The following GCNT3 variants were observed in gnomAD, a reference collection of about 807,000 sequenced individuals.
GCNT3 encodes beta-1,3-galactosyl-O-glycosyl-glycoprotein beta-1,6-N-acetylglucosaminyltransferase 3.
For synonymous variants in GCNT3, 269 were observed against 195.2 expected (o/e 1.38, Z -3.15); for missense variants, 708 against 530.3 (o/e 1.34, Z -3.29).
chr15:59,618,409 T>A lies in GCNT3; in HGVS notation c.171T>A (p.Tyr57Ter). 1 of 1,614,150 alleles carries A rather than the reference T, an allele frequency of 6.2e-7. No homozygotes were observed. Among genetic ancestry groups the A allele is most frequent in the Non-Finnish European group, 8.5e-7 (1 of 1,179,988 alleles). The change falls in exon 3 of 3, where the codon TAT (tyrosine) becomes TAA (stop). Residue 57 changes from tyrosine to a stop codon, truncating the protein, a stop_gained. Transcript: ENST00000396065. LOFTEE classifies it low-confidence loss of function (END_TRUNC). ...SQSQYCRNILYNFLKLPAKRS... is the reference protein window; with the variant it reads ...SQSQYCRNIL ...GCCAGTACTGTAGGAATATCTTGTA[T>A]AATTTCCTGAAACTTCCAGCAAAGA... is the stretch of plus-strand genomic sequence containing the variant.
rs1890926058 is a variant in GCNT3, at chr15:59,621,282, T to C, written c.*1727T>C. On this transcript the variant is annotated 3_prime_UTR_variant, in exon 3 of 3. Transcript: ENST00000396065. ...ATTTCCTTGCGGGGAGACAATAAGGTATGTGTAAATACATATATGTGTGTG... is the reference window on the plus strand; with the variant it reads ...ATTTCCTTGCGGGGAGACAATAAGGCATGTGTAAATACATATATGTGTGTG... 6.6e-6 allele frequency: 1 copy of C among 152,112 alleles called. No individual in the cohort carries two copies. The highest frequency in any genetic ancestry group is 1.5e-5 in the Non-Finnish European group (1 of 68,032). 9.4% of individuals were successfully genotyped at this position (152,112 alleles called of 1,614,324 possible).
intron 1 of GCNT3, among the ~76,000 whole-genome samples, chr15:59,612,598 C>T (rs2082701200): frequency 6.6e-6 from 1 of 152,106 alleles, no homozygotes; most frequent in South Asian, 2.1e-4. Flanking sequence ...CAGTTTTTGC[C>T]TTGAAATGTG....
intron 1 of GCNT3, chr15:59,615,165 G>T (rs1166408057): frequency 2.0e-5 from 3 of 152,212 alleles, no homozygotes; most frequent in African/African-American, 7.2e-5. Context: ...ACAGCCGGCT[G>T]GAGGAGGGAC....
At chr15:59,617,627 C>T (rs572160699) in intron 2 of GCNT3, among the ~76,000 whole-genome samples, 2 of 152,208 alleles carry the variant, frequency 1.3e-5, no homozygotes, top group Admixed American at 1.3e-4. Flanking sequence ...ATTTTTACTT[C>T]TTTAAGAACA....
intron 1 of GCNT3, 168 bp from the exon 2 acceptor site, chr15:59,616,522 ATC>A (rs2082720430): frequency 1.3e-5 from 2 of 152,190 alleles, no homozygotes; most frequent in African/African-American, 2.4e-5. Context: ...TGGCTGAAAT[ATC>A]TGTTTGCCTT....
rs1193384534 is a variant in GCNT3 at position 59,619,309 on chromosome 15, G to A, written c.1071G>A (p.Met357Ile). The A allele has an allele frequency of 3.1e-6, 5 of 1,614,126 alleles. No homozygotes were observed. The highest frequency in any genetic ancestry group is 3.4e-6 in the Non-Finnish European group (4 of 1,180,014). The change falls in exon 3 of 3, where the codon ATG becomes ATA. Residue 357 changes from methionine to isoleucine, a missense_variant. Met to Ile is a conservative substitution (Grantham distance 10, BLOSUM62 1). Transcript: ENST00000396065. ...PNHPKYDISD[M>I]TSIARLVKWQ... is the part of the protein sequence containing the mutation. ...ACCCCAAGTACGACATCTCAGACAT[G>A]ACTTCTATTGCCAGGCTGGTCAAGT...
intron 1 of GCNT3, among the ~76,000 whole-genome samples, chr15:59,612,796 C>G (rs2082702240): frequency 6.6e-6 from 1 of 152,172 alleles, no homozygotes; most frequent in African/African-American, 2.4e-5. Flanking sequence ...TCTGTCCCCT[C>G]TCCTGTACCT....
At chr15:59,613,303 A>G (rs946662108) in intron 1 of GCNT3, among the ~76,000 whole-genome samples, 13 of 152,006 alleles carry the variant, frequency 8.6e-5, no homozygotes, top group African/African-American at 3.1e-4. Flanking sequence ...TAGGTACTTG[A>G]CGTTACTATA....
At chr15:59,617,734 G>C (rs1359344706) in intron 2 of GCNT3, among the ~76,000 whole-genome samples, 1 of 152,182 alleles carries the variant, frequency 6.6e-6, no homozygotes, top group Non-Finnish European at 1.5e-5. Context: ...ATAGAAGCAA[G>C]AAATGTTTTG....
chr15:59,617,267 C>G (rs1035209439), intron 2 of GCNT3, among the ~76,000 whole-genome samples: 2 of 142,906 alleles, frequency 1.4e-5, no homozygotes, highest in Non-Finnish European at 3.0e-5. Flanking sequence ...AGCTATAATA[C>G]TTCCTGTATT....
rs759539305 is a variant in GCNT3 at position 59,619,575 on chromosome 15, G to A, written c.*20G>A. 6.2e-6 allele frequency: 9 copies of A among 1,445,050 alleles called. No individual in the cohort carries two copies. The highest frequency in any genetic ancestry group is 1.8e-4 in the Middle Eastern group (1 of 5,620). The allele number at this position is 1,445,050 out of a possible 1,614,324, so 89.5% of individuals were successfully genotyped here. On this transcript the variant is annotated 3_prime_UTR_variant, in exon 3 of 3. Transcript: ENST00000396065. ...CTTTGAGACACACTATGAGAGCGTT[G>A]CTACCTGTGGGGCAAGAGCATGTAC...
rs1051776887 is a variant in GCNT3 at position 59,621,404 on chromosome 15, C to G, written c.*1849C>G. ...AGAGATGGTTGTTGGCTAAGTTATA[C>G]TCTTCTGTGATGGGCAAGGGATACT... On this transcript the variant is annotated 3_prime_UTR_variant, in exon 3 of 3. Coordinates refer to ENST00000396065, the MANE Select transcript of GCNT3 (RefSeq NM_004751.3). 1 of 151,728 alleles carries G rather than the reference C, an allele frequency of 6.6e-6. No homozygotes were observed. Among genetic ancestry groups the G allele is most frequent in the African/African-American group, 2.4e-5 (1 of 41,308 alleles). The allele number at this position is 151,728 out of a possible 1,614,324, so 9.4% of individuals were successfully genotyped here. A position where few individuals can be genotyped will look rare whatever the true frequency, so the allele number is the denominator to read the frequency against.
At chr15:59,618,056 A>G in intron 2 of GCNT3, 123 bp from the exon 3 acceptor site, 1 of 497,528 alleles carries the variant, frequency 2.0e-6, no homozygotes, top group Non-Finnish European at 3.5e-6. Context: ...AGGGGCTTCT[A>G]GGCAGGTCTT....
Position 59,618,211 on chromosome 15 carries a change from G to A in GCNT3, c.-28G>A, listed in dbSNP as rs1374670803. ...TCCTCCTCCACCTTCCCTGTGCTCGGTCTCCACCTGTCTCCCATTCTGTGA... is the reference window on the plus strand; with the variant it reads ...TCCTCCTCCACCTTCCCTGTGCTCGATCTCCACCTGTCTCCCATTCTGTGA... On this transcript the variant is annotated 5_prime_UTR_variant, in exon 3 of 3. Transcript: ENST00000396065. The A allele has an allele frequency of 2.3e-6, 3 of 1,304,502 alleles. No homozygotes were observed. Among genetic ancestry groups the A allele is most frequent in the East Asian group, 2.3e-5 (1 of 43,180 alleles). The allele number at this position is 1,304,502 out of a possible 1,614,324, so 80.8% of individuals were successfully genotyped here.
rs2082737153 is a variant in GCNT3, at chr15:59,619,461, T to C, written c.1223T>C (p.Leu408Ser). The change falls in exon 3 of 3, where the codon TTG (leucine) becomes TCG (serine). Residue 408 changes from leucine to serine, a missense_variant. Leu to Ser is a moderately radical substitution (Grantham distance 145, BLOSUM62 -2). Coordinates refer to ENST00000396065, the MANE Select transcript of GCNT3 (RefSeq NM_004751.3). ...TGGATGCTTCAAAACCATCACCTGT[T>C]GGCCAACAAGTTTGACCCAAAGGTA... is the stretch of plus-strand genomic sequence containing the variant. ...LNWMLQNHHL[L>S]ANKFDPKVDD... 6.2e-7 allele frequency: 1 copy of C among 1,614,174 alleles called. No individual in the cohort carries two copies. The highest frequency in any genetic ancestry group is 8.5e-7 in the Non-Finnish European group (1 of 1,180,018).
chr15:59,615,477 C>G (rs2082715368), intron 1 of GCNT3, among the ~76,000 whole-genome samples: 1 of 152,152 alleles, frequency 6.6e-6, no homozygotes, highest in Admixed American at 6.5e-5. Flanking sequence ...CCTTAATTCC[C>G]TCAATCTAGG....
chr15:59,614,048 A>G (rs1350595317), intron 1 of GCNT3, among the ~76,000 whole-genome samples: 1 of 152,152 alleles, frequency 6.6e-6, no homozygotes, highest in Non-Finnish European at 1.5e-5. Flanking sequence ...GCCCTCAACT[A>G]TTCAAGGTGT....
intron 1 of GCNT3, 126 bp from the exon 2 acceptor site, chr15:59,616,566 C>G (rs867781432): frequency 2.6e-5 from 4 of 152,226 alleles, no homozygotes; most frequent in African/African-American, 9.7e-5. Flanking sequence ...TCCTGCCTCA[C>G]TGACCTCCCT....
At chr15:59,617,271 C>T (rs2082724343) in intron 2 of GCNT3, among the ~76,000 whole-genome samples, 1 of 148,910 alleles carries the variant, frequency 6.7e-6, no homozygotes, top group Admixed American at 6.8e-5. Context: ...ATAATACTTC[C>T]TGTATTGTAT....
Sources: gnomAD v4.1 joint callset for allele counts (sites outside exome capture counted in the v4.1 genomes callset) on GRCh38, gnomAD v4.1.1 for gene constraint, MANE v1.5 for transcripts, NCBI Gene and HGNC (gene_info 2026-07-23, HGNC 2026-07-21) for gene names.